FAM149B1: variants seen among roughly 807,000 people sequenced by gnomAD.
FAM149B1 encodes the protein primary cilium assembly protein FAM149B1.
FAM149B1 carries 56 observed loss-of-function variants against 75.3 expected under a neutral mutation model. That is an observed-to-expected ratio of 0.74 (90% confidence interval 0.60 to 0.93). The LOEUF is 0.93. FAM149B1 is among the 40% of genes least tolerant of loss of function. The pLI, the probability that FAM149B1 is intolerant of heterozygous loss-of-function variation, is 0.00. For missense variants in FAM149B1, 639 were observed against 708.4 expected (o/e 0.90, Z 1.11); for synonymous variants, 259 against 256.1 (o/e 1.01, Z -0.11).
chr10:73,239,328 G>A lies in FAM149B1; in HGVS notation c.1619G>A (p.Arg540His), dbSNP rs774376072. The A allele has an allele frequency of 2.2e-5, 34 of 1,551,498 alleles. No homozygotes were observed. The highest frequency in any genetic ancestry group is 7.8e-5 in the Admixed American group (4 of 50,982). ...GTCTTGTAGCTGGATACACAGTATC[G>A]TCGCTCATGTGCAGTTGAGTATCCT... ...TQSFLLDTQY[R>H]RSCAVEYPHQ... The change falls in exon 13 of 14, where the codon CGT becomes CAT. Residue 540 changes from arginine to histidine, a missense_variant. Transcript: ENST00000242505.
chr10:73,241,521 T>C lies in FAM149B1; in HGVS notation c.*502T>C, dbSNP rs2043952145. 6.2e-6 allele frequency: 1 copy of C among 161,964 alleles called. No individual in the cohort carries two copies. The highest frequency in any genetic ancestry group is 2.4e-5 in the African/African-American group (1 of 41,588). 10.0% of individuals were successfully genotyped at this position (161,964 alleles called of 1,614,324 possible). A position where few individuals can be genotyped will look rare whatever the true frequency, so the allele number is the denominator to read the frequency against. On this transcript the variant is annotated 3_prime_UTR_variant, in exon 14 of 14. Coordinates refer to ENST00000242505, the MANE Select transcript of FAM149B1 (RefSeq NM_173348.2). ...TGTCATTCCTAAAACTCTCTTTAGA[T>C]GTCCTACCCTATCAGCAGATTAAAA...
At chr10:73,237,507 C>T (rs1229806455) in intron 12 of FAM149B1, among the ~76,000 whole-genome samples, 3 of 151,992 alleles carry the variant, frequency 2.0e-5, no homozygotes, top group Non-Finnish European at 2.9e-5. Context: ...GCCTCCACCT[C>T]CTCCTGGGTT....
chr10:73,225,365 A>T (rs2043516276), intron 7 of FAM149B1, among the ~76,000 whole-genome samples: 1 of 152,200 alleles, frequency 6.6e-6, no homozygotes, highest in African/African-American at 2.4e-5. Context: ...GAAAACAGTG[A>T]TATTGATGAT....
At chr10:73,183,190 A>C (rs1362107062) in intron 3 of FAM149B1, among the ~76,000 whole-genome samples, 1 of 152,246 alleles carries the variant, frequency 6.6e-6, no homozygotes, top group African/African-American at 2.4e-5. Flanking sequence ...TATATTTTTT[A>C]TCTGATTTCT....
At chr10:73,207,710 A>G (rs1416091090) in intron 5 of FAM149B1, among the ~76,000 whole-genome samples, 5 of 152,350 alleles carry the variant, frequency 3.3e-5, no homozygotes, top group Admixed American at 3.3e-4. Flanking sequence ...GCACCTTGTC[A>G]TGGGACATCA....
intron 12 of FAM149B1, among the ~76,000 whole-genome samples, chr10:73,237,780 T>C (rs1418837718): frequency 6.6e-6 from 1 of 151,688 alleles, no homozygotes; most frequent in Non-Finnish European, 1.5e-5. Flanking sequence ...GGCTGGAGTG[T>C]AGTGGTGCAA....
intron 3 of FAM149B1, among the ~76,000 whole-genome samples, chr10:73,180,241 A>G (rs1175430882): frequency 6.6e-6 from 1 of 152,194 alleles, no homozygotes; most frequent in African/African-American, 2.4e-5. Context: ...CAGACAGGTA[A>G]CCAGCAGCAT....
intron 7 of FAM149B1, among the ~76,000 whole-genome samples, chr10:73,218,716 T>A (rs2043346378): frequency 6.6e-6 from 1 of 152,188 alleles, no homozygotes. Context: ...GAGATATTAG[T>A]AAAAGGTTGT....
rs1286796177 is a variant in FAM149B1, at chr10:73,168,332, G to GGAGGAGGAT, written c.-5_4dup. On this transcript the variant is annotated 5_prime_UTR_variant, in exon 1 of 14. In the 5' UTR this introduces an upstream ATG that the reference lacks. Coordinates refer to ENST00000242505, the MANE Select transcript of FAM149B1 (RefSeq NM_173348.2). ...CTGAGGAGGAGGAGGAGGAGGAGGA[G>GGAGGAGGAT]GAGGAGGATGATCTCCAGATACACT... The GGAGGAGGAT allele has an allele frequency of 1.3e-6, 2 of 1,549,552 alleles. No homozygotes were observed. The highest frequency in any genetic ancestry group is 2.4e-5 in the South Asian group (2 of 83,966).
At chr10:73,210,666 AT>A (rs1021779358) in intron 7 of FAM149B1, among the ~76,000 whole-genome samples, 1 of 152,012 alleles carries the variant, frequency 6.6e-6, no homozygotes, top group African/African-American at 2.4e-5. Flanking sequence ...CTCTAAAAAA[AT>A]TAAAAATTAG....
At chr10:73,180,818 C>T (rs1289692316) in intron 3 of FAM149B1, among the ~76,000 whole-genome samples, 1 of 152,040 alleles carries the variant, frequency 6.6e-6, no homozygotes, top group Non-Finnish European at 1.5e-5. Context: ...TGACTATACT[C>T]ACCCTTTGTG....
rs565623033 is a variant in FAM149B1, at chr10:73,201,847, CT to C, written c.543-6771del. On this transcript the variant is annotated intron_variant, in intron 5 of 13. Transcript: ENST00000242505. ...TAATGAAGTTTTAGTGTTAAATAAACTGTATATTCACTTAAGAAAAAAAAAA... is the reference window on the plus strand; with the variant it reads ...TAATGAAGTTTTAGTGTTAAATAAACGTATATTCACTTAAGAAAAAAAAAA... 5.3e-3 allele frequency among the ~76,000 whole-genome samples: 807 copies of C among 151,952 alleles called. 4 individuals carry two copies. The highest frequency in any genetic ancestry group is 0.018 in the African/African-American group (766 of 41,448).
chr10:73,194,171 G>A (rs56916335), intron 5 of FAM149B1, among the ~76,000 whole-genome samples: 15,473 of 152,000 alleles, frequency 0.1, 1,148 homozygotes, highest in East Asian at 0.3. Flanking sequence ...AAATTTCAGC[G>A]TGAATTTTGG....
intron 8 of FAM149B1, among the ~76,000 whole-genome samples, chr10:73,229,304 G>C (rs2043629757): frequency 6.6e-6 from 1 of 152,172 alleles, no homozygotes; most frequent in South Asian, 2.1e-4. Context: ...TATACAGCTG[G>C]ATTTACAAAA....
rs1220050457 is a variant in FAM149B1 at position 73,235,235 on chromosome 10, G to A, written c.1519G>A (p.Asp507Asn). 1 of 1,551,748 alleles carries A rather than the reference G, an allele frequency of 6.4e-7. No homozygotes were observed. Among genetic ancestry groups the A allele is most frequent in the South Asian group, 1.2e-5 (1 of 84,062 alleles). Residue 507 changes from aspartate to asparagine, a missense_variant, in exon 12 of 14, where the codon GAT becomes AAT. Asp to Asn is a conservative substitution (Grantham distance 23). Transcript: ENST00000242505. The part of the protein sequence containing the change: ...DSSRAQSAVV[D>N]EPNYQQPQER... ...TAGTCGAGCTCAAAGTGCGGTGGTG[G>A]ATGAACCTAACTATCAGCAGCCACA...
In FAM149B1 at chr10:73,188,131, C is replaced by T. The variant is rs942328083; in HGVS notation, c.283-4425C>T. Among the ~76,000 whole-genome samples, 5 of 152,050 alleles carry T rather than the reference C, an allele frequency of 3.3e-5. No individual in the cohort carries two copies. The East Asian group carries it at 5.8e-4, about 18-fold the overall frequency. On this transcript the variant is annotated intron_variant, in intron 3 of 13. Coordinates refer to ENST00000242505, the MANE Select transcript of FAM149B1 (RefSeq NM_173348.2). ...AGTGTGGTACTGACAAAAAGATGGA[C>T]GTGTAGTCAATAGAACAGAATTGAG... is the stretch of plus-strand genomic sequence containing the variant.
chr10:73,210,225 G>T, intron 6 of FAM149B1, 26 bp from the exon 7 acceptor site: 1 of 1,514,120 alleles, frequency 6.6e-7, no homozygotes, highest in Non-Finnish European at 9.0e-7. Flanking sequence ...GCATCATGAA[G>T]TCTTTCCTTC....
At chr10:73,224,406 G>A (rs990554498) in intron 7 of FAM149B1, among the ~76,000 whole-genome samples, 1 of 150,806 alleles carries the variant, frequency 6.6e-6, no homozygotes, top group Admixed American at 6.6e-5. Flanking sequence ...ATCAACAGTA[G>A]AATGTGATAT....
chr10:73,191,132 C>A (rs527655780), intron 3 of FAM149B1, among the ~76,000 whole-genome samples: 2 of 151,946 alleles, frequency 1.3e-5, no homozygotes, highest in Non-Finnish European at 2.9e-5. Context: ...CCTCCGCCTC[C>A]CGGGTTCAAG....
Sources: gnomAD v4.1 joint callset for allele counts (sites outside exome capture counted in the v4.1 genomes callset) on GRCh38, gnomAD v4.1.1 for gene constraint, MANE v1.5 for transcripts, NCBI Gene and HGNC (gene_info 2026-07-23, HGNC 2026-07-21) for gene names.